Variants in MAGI3 observed in about 807,000 individuals in gnomAD.
MAGI3 encodes the protein membrane-associated guanylate kinase, WW and PDZ domain-containing protein 3.
A neutral mutation model predicts 121.8 loss-of-function variants in MAGI3; 43 were observed. The ratio of observed to expected loss-of-function variants is 0.35; its 90% CI spans 0.28 to 0.46. The LOEUF (loss-of-function observed/expected upper bound fraction) is 0.46, where lower values mean the gene tolerates loss of function less well. MAGI3 is among the 20% of genes least tolerant of loss of function. MAGI3 has a pLI of 1.00. For missense variants in MAGI3, 1,547 were observed against 1,797.3 expected (o/e 0.86, Z 2.52); for synonymous variants, 553 against 639.3 (o/e 0.86, Z 2.04).
chr1:113,659,365 G>C, intron 16 of MAGI3, 100 bp downstream of exon 16: 1 of 1,105,102 alleles, frequency 9.0e-7, no homozygotes, highest in South Asian at 1.5e-5. Flanking sequence ...TCACTGCGGG[G>C]ATATAACTGT....
At chr1:113,520,921 ACT>A (rs969931827) in intron 1 of MAGI3, among the ~76,000 whole-genome samples, 1 of 150,906 alleles carries the variant, frequency 6.6e-6, no homozygotes, top group African/African-American at 2.4e-5. Flanking sequence ...GTTTTCTTCA[ACT>A]CTCTTGATTT....
chr1:113,453,826 C>T (rs1177765565), intron 1 of MAGI3, among the ~76,000 whole-genome samples: 1 of 152,218 alleles, frequency 6.6e-6, no homozygotes, highest in Non-Finnish European at 1.5e-5. Flanking sequence ...GCTAAATATA[C>T]ACATTAGTAT....
chr1:113,597,288 G>C (rs1649077279), intron 6 of MAGI3, among the ~76,000 whole-genome samples: 1 of 152,120 alleles, frequency 6.6e-6, no homozygotes, highest in Admixed American at 6.6e-5. Flanking sequence ...CAGAAAATAG[G>C]TTACTGGTTG....
rs938441590 is a variant in MAGI3, at chr1:113,618,657, C to T, written c.1077-1079C>T. 6 of 324,546 alleles carry T rather than the reference C, an allele frequency of 1.8e-5. No individual in the cohort carries two copies. In the Admixed American group the frequency reaches 2.2e-4, roughly 12 times the overall value. The allele number at this position is 324,546 out of a possible 1,614,324, so 20.1% of individuals were successfully genotyped here. ...AGTAGCTGGGATTACAGGCATGCACCACCACGCCCAGCTTATTTTTGTATT... is the reference window on the plus strand; with the variant it reads ...AGTAGCTGGGATTACAGGCATGCACTACCACGCCCAGCTTATTTTTGTATT... On this transcript the variant is annotated intron_variant, in intron 7 of 20. Transcript: ENST00000307546.
At position 113,653,995 on chromosome 1, in the gene MAGI3, C is replaced by T; in HGVS notation, c.2606C>T (p.Ser869Phe). The T allele has an allele frequency of 6.2e-7, 1 of 1,613,436 alleles. No homozygotes were observed. The highest frequency in any genetic ancestry group is 1.3e-5 in the African/African-American group (1 of 74,984). Residue 869 changes from serine (S) to phenylalanine (F), a missense_variant, in exon 15 of 21, where the codon TCC becomes TTC. Ser to Phe is a radical substitution (Grantham distance 155). Coordinates refer to ENST00000307546, the MANE Select transcript of MAGI3 (RefSeq NM_001142782.2). Reference sequence around the variant, plus strand: ...GGATTTGGCTTTGTCATCCTCACCTCCAAAAACAAACCACCTCCAGGAGGT... The same window carrying T: ...GGATTTGGCTTTGTCATCCTCACCTTCAAAAACAAACCACCTCCAGGAGGT... ...NEGFGFVILT[S>F]KNKPPPGVIP...
rs61622151 is a variant in MAGI3, at chr1:113,584,966, C to CAATTTTTT, written c.554-421_554-420insAATTTTTT. On this transcript the variant is annotated intron_variant, in intron 3 of 20. Coordinates refer to ENST00000307546, the MANE Select transcript of MAGI3 (RefSeq NM_001142782.2). Reference sequence around the variant, plus strand: ...TCCTTTTGGCCAATGGTAGATATTTCCTTTTTTTTTTTTTTTTTTTTTTGA... The same window carrying CAATTTTTT: ...TCCTTTTGGCCAATGGTAGATATTTCAATTTTTTCTTTTTTTTTTTTTTTTTTTTTTGA... Among the ~76,000 whole-genome samples the CAATTTTTT allele has an allele frequency of 1.5e-3, 161 of 110,702 alleles. 21 individuals carry two copies. The highest frequency in any genetic ancestry group is 6.6e-3 in the Middle Eastern group (1 of 152). 72.6% of individuals were successfully genotyped at this position (110,702 alleles called of 152,430 possible).
chr1:113,667,221 A>C (rs1457574003), intron 16 of MAGI3, among the ~76,000 whole-genome samples: 1 of 152,216 alleles, frequency 6.6e-6, no homozygotes, highest in Non-Finnish European at 1.5e-5. Context: ...TCTAGCTATG[A>C]AAGTCCTAGA....
intron 1 of MAGI3, among the ~76,000 whole-genome samples, chr1:113,462,256 C>T (rs1053000342): frequency 1.3e-5 from 2 of 152,062 alleles, no homozygotes; most frequent in African/African-American, 4.8e-5. Context: ...AAAGACACAT[C>T]CATGTGAATG....
chr1:113,628,642 T>C (rs1207156058), intron 9 of MAGI3, among the ~76,000 whole-genome samples: 2 of 152,148 alleles, frequency 1.3e-5, no homozygotes, highest in Admixed American at 1.3e-4. Flanking sequence ...GTCTGGAAGG[T>C]CTTTATTTCT....
intron 1 of MAGI3, among the ~76,000 whole-genome samples, chr1:113,479,469 C>T (rs1463622205): frequency 6.6e-6 from 1 of 152,194 alleles, no homozygotes; most frequent in African/African-American, 2.4e-5. Flanking sequence ...GAAATATACT[C>T]ATGGTCTTAA....
At chr1:113,454,578 T>C (rs1226645399) in intron 1 of MAGI3, among the ~76,000 whole-genome samples, 1 of 152,174 alleles carries the variant, frequency 6.6e-6, no homozygotes, top group East Asian at 1.9e-4. Context: ...ATACATGTCA[T>C]GGTGGTTTGC....
At position 113,635,156 on chromosome 1, in the gene MAGI3, A is replaced by G. The variant is rs529956097; in HGVS notation, c.1361-6755A>G. Reference sequence around the variant, plus strand: ...GACAATGGGGTTTTCTAGATATACAATCATGTCATCTGCAAACAGGGACAA... The same window carrying G: ...GACAATGGGGTTTTCTAGATATACAGTCATGTCATCTGCAAACAGGGACAA... On this transcript the variant is annotated intron_variant, in intron 9 of 20. Coordinates refer to ENST00000307546, the MANE Select transcript of MAGI3 (RefSeq NM_001142782.2). 2.4e-3 allele frequency among the ~76,000 whole-genome samples: 365 copies of G among 152,338 alleles called. 2 individuals are homozygous for G. The highest frequency in any genetic ancestry group is 8.2e-3 in the African/African-American group (339 of 41,576).
chr1:113,611,121 C>T (rs1650106515), intron 6 of MAGI3, among the ~76,000 whole-genome samples: 1 of 146,604 alleles, frequency 6.8e-6, no homozygotes, highest in South Asian at 2.3e-4. Context: ...GACTCTCACA[C>T]TGTTGCCCAG....
intron 9 of MAGI3, among the ~76,000 whole-genome samples, chr1:113,633,237 CA>C (rs1651765674): frequency 3.3e-5 from 3 of 91,960 alleles, no homozygotes; most frequent in Admixed American, 1.4e-4. Flanking sequence ...ATGAACTCAT[CA>C]TTTTTTTTTT....
chr1:113,629,906 G>A (rs1008038879), intron 9 of MAGI3, among the ~76,000 whole-genome samples: 3 of 151,266 alleles, frequency 2.0e-5, no homozygotes, highest in Non-Finnish European at 2.9e-5. Flanking sequence ...CATGAAACCA[G>A]CACAGCACTG....
At chr1:113,450,299 T>C (rs1468854907) in intron 1 of MAGI3, 33 of 1,565,930 alleles carry the variant, frequency 2.1e-5, no homozygotes, top group Non-Finnish European at 2.6e-5. Context: ...TCTGGCAATT[T>C]TATGGGTCGC....
Position 113,672,676 on chromosome 1 carries a change from G to C in MAGI3, c.2980G>C (p.Asp994His). The C allele has an allele frequency of 1.9e-6, 3 of 1,614,096 alleles. No homozygotes were observed. Among genetic ancestry groups the C allele is most frequent in the Non-Finnish European group, 2.5e-6 (3 of 1,180,002 alleles). ...CACTTCTTACAGACATTCTTGGTCAGACCACAAGCACCTTGCACAGCCTGA... is the reference window on the plus strand; with the variant it reads ...CACTTCTTACAGACATTCTTGGTCACACCACAAGCACCTTGCACAGCCTGA... ...VSTSYRHSWS[D>H]HKHLAQPDTA... Residue 994 changes from aspartate (D) to histidine (H), a missense_variant, in exon 18 of 21, where the codon GAC (aspartate) becomes CAC (histidine). Asp to His is a moderately conservative substitution (Grantham distance 81). Coordinates refer to ENST00000307546, the MANE Select transcript of MAGI3 (RefSeq NM_001142782.2).
chr1:113,675,399 C>T (rs1284758599), intron 19 of MAGI3, among the ~76,000 whole-genome samples: 1 of 152,134 alleles, frequency 6.6e-6, no homozygotes, highest in African/African-American at 2.4e-5. Context: ...AGCCTTGCCC[C>T]ATCTGTACTA....
At chr1:113,625,333 A>C (rs958290368) in intron 9 of MAGI3, among the ~76,000 whole-genome samples, 3 of 152,236 alleles carry the variant, frequency 2.0e-5, no homozygotes, top group Admixed American at 6.5e-5. Context: ...AACTATGAAC[A>C]TGAAATATCT....
Sources: gnomAD v4.1 joint callset for allele counts (sites outside exome capture counted in the v4.1 genomes callset) on GRCh38, gnomAD v4.1.1 for gene constraint, MANE v1.5 for transcripts, NCBI Gene and HGNC (gene_info 2026-07-23, HGNC 2026-07-21) for gene names.